GPC1: variants seen among roughly 807,000 people sequenced by gnomAD.
GPC1 encodes glypican-1.
GPC1 carries 26 observed loss-of-function variants against 51.5 expected under a neutral mutation model. The ratio of observed to expected loss-of-function variants is 0.50; its 90% CI spans 0.37 to 0.70. The LOEUF (loss-of-function observed/expected upper bound fraction) is 0.70, where lower values mean the gene tolerates loss of function less well. GPC1 is among the 30% of genes least tolerant of loss of function. GPC1 has a pLI of 0.00. For missense variants in GPC1, 775 were observed against 800.5 expected (o/e 0.97, Z 0.38); for synonymous variants, 380 against 348.3 (o/e 1.09, Z -1.01).
chr2:240,449,729 C>G (rs1368092119), intron 1 of GPC1: 4 of 427,320 alleles, frequency 9.4e-6, no homozygotes, highest in African/African-American at 8.1e-5. Flanking sequence ...CTCCACCGCC[C>G]CTGGTGCCCG....
At chr2:240,465,922 G>A (rs1258310185) in intron 8 of GPC1, 136 bp from the exon 9 acceptor site, 13 of 638,128 alleles carry the variant, frequency 2.0e-5, no homozygotes, top group South Asian at 3.8e-5. Flanking sequence ...AGGGGTCAGC[G>A]GGGATCAGGT....
At chr2:240,436,187 C>A in intron 1 of GPC1, 103 bp downstream of exon 1, 1 of 784,830 alleles carries the variant, frequency 1.3e-6, no homozygotes, top group Non-Finnish European at 1.7e-6. Context: ...GGGATCCTGC[C>A]GCCTGCGCCC....
In GPC1 at chr2:240,459,102, G is replaced by A. The variant is rs1323695103; in HGVS notation, c.239G>A (p.Arg80His). 8 of 1,612,644 alleles carry A rather than the reference G, an allele frequency of 5.0e-6. No homozygotes were observed. Among genetic ancestry groups the A allele is most frequent in the East Asian group, 2.2e-5 (1 of 44,884 alleles). ...TSEMEENLANRSHAELETALR... is the reference protein window; with the variant it reads ...TSEMEENLANHSHAELETALR... ...GAGATGGAGGAGAACCTGGCCAACCGCAGCCATGCCGAGCTGGAGACCGCG... is the reference window on the plus strand; with the variant it reads ...GAGATGGAGGAGAACCTGGCCAACCACAGCCATGCCGAGCTGGAGACCGCG... Residue 80 changes from arginine to histidine, a missense_variant, in exon 2 of 9, where the codon CGC becomes CAC. By Grantham distance (29) the Arg-to-His change is conservative. Coordinates refer to ENST00000264039, the MANE Select transcript of GPC1 (RefSeq NM_002081.3).
At chr2:240,465,910 T>C in intron 8 of GPC1, 148 bp from the exon 9 acceptor site, 1 of 626,968 alleles carries the variant, frequency 1.6e-6, no homozygotes, top group South Asian at 1.9e-5. Context: ...TCTCCCAGCC[T>C]CAGGGGTCAG....
Position 240,466,377 on chromosome 2 carries a change from G to A in GPC1, c.*87G>A, listed in dbSNP as rs991266344. 2.7e-5 allele frequency: 21 copies of A among 787,132 alleles called. No individual in the cohort carries two copies. The highest frequency in any genetic ancestry group is 4.2e-5 in the Non-Finnish European group (20 of 475,290). The allele number at this position is 787,132 out of a possible 1,614,324, so 48.8% of individuals were successfully genotyped here. A position where few individuals can be genotyped will look rare whatever the true frequency, so the allele number is the denominator to read the frequency against. On this transcript the variant is annotated 3_prime_UTR_variant, in exon 9 of 9. Transcript: ENST00000264039. ...GATATTTAATTCACCTCAGCCTGGA[G>A]AGGCCTGGGGTGGGACAGGGAGGGC...
At chr2:240,443,603 G>A (rs1285481140) in intron 1 of GPC1, among the ~76,000 whole-genome samples, 2 of 152,308 alleles carry the variant, frequency 1.3e-5, no homozygotes, top group Admixed American at 6.5e-5. Flanking sequence ...CAGGCGACTC[G>A]GAAGCAGAAA....
At chr2:240,459,348 C>T (rs906546052) in intron 2 of GPC1, among the ~76,000 whole-genome samples, 160 bp downstream of exon 2, 14 of 152,156 alleles carry the variant, frequency 9.2e-5, no homozygotes, top group African/African-American at 2.9e-4. Flanking sequence ...GTTGAAGCCC[C>T]AGCTGGGATT....
In GPC1 at chr2:240,445,438, C is replaced by T. The variant is rs188329943; in HGVS notation, c.166+9354C>T. On this transcript the variant is annotated intron_variant, in intron 1 of 8. Transcript: ENST00000264039. ...CAAGATGGAGGTGCCCTTCCACAAA[C>T]GCCAGTAGCACCCCCAAGAGAAATA... Among the ~76,000 whole-genome samples, 348 of 152,266 alleles carry T rather than the reference C, an allele frequency of 2.3e-3. 1 individual carries two copies. Among genetic ancestry groups the T allele is most frequent in the African/African-American group, 7.8e-3 (326 of 41,536 alleles).
At chr2:240,462,888 T>G in intron 3 of GPC1, among the ~76,000 whole-genome samples, 1 of 149,024 alleles carries the variant, frequency 6.7e-6, no homozygotes, top group African/African-American at 2.5e-5. Context: ...GGCTGTGGAG[T>G]GAAAGTGCAG....
At chr2:240,459,223 G>A in intron 2 of GPC1, 35 bp downstream of exon 2, 1 of 1,593,122 alleles carries the variant, frequency 6.3e-7, no homozygotes, top group Non-Finnish European at 8.6e-7. Flanking sequence ...GGGCCCGCAG[G>A]GTGCCGGTGC....
intron 1 of GPC1, chr2:240,456,623 C>T (rs1413387838): frequency 1.5e-5 from 7 of 470,716 alleles, no homozygotes; most frequent in African/African-American, 1.2e-4. Flanking sequence ...GACCTGTGCT[C>T]TCCTGGTCTG....
At chr2:240,447,188 C>T (rs906398348) in intron 1 of GPC1, among the ~76,000 whole-genome samples, 2 of 152,072 alleles carry the variant, frequency 1.3e-5, no homozygotes, top group East Asian at 1.9e-4. Flanking sequence ...CCAGGAGGGG[C>T]GTGACCAGAG....
chr2:240,446,048 C>A (rs1299864726), intron 1 of GPC1, among the ~76,000 whole-genome samples: 2 of 152,250 alleles, frequency 1.3e-5, no homozygotes, highest in Non-Finnish European at 2.9e-5. Flanking sequence ...TGCGGCTTCA[C>A]CAATGGGCAA....
At chr2:240,439,667 C>T (rs886124239) in intron 1 of GPC1, among the ~76,000 whole-genome samples, 7 of 152,314 alleles carry the variant, frequency 4.6e-5, no homozygotes, top group Middle Eastern at 3.4e-3. Context: ...AGGGTGTTTC[C>T]GGCTGGGCCC....
intron 5 of GPC1, 33 bp downstream of exon 5, chr2:240,464,779 G>C (rs756388679): frequency 9.5e-6 from 15 of 1,585,666 alleles, no homozygotes; most frequent in Non-Finnish European, 1.3e-5. Context: ...AGCACAGCGG[G>C]GTGGGGGTCC....
At chr2:240,452,468 C>G (rs1484006439) in intron 1 of GPC1, 1 of 152,624 alleles carries the variant, frequency 6.6e-6, no homozygotes, top group Admixed American at 6.5e-5. Flanking sequence ...CCCGACACCC[C>G]GCCCCCATTA....
chr2:240,435,863 C>G lies in GPC1; in HGVS notation c.-56C>G, dbSNP rs2073979827. The G allele has an allele frequency of 8.8e-7, 1 of 1,131,858 alleles. No homozygotes were observed. The highest frequency in any genetic ancestry group is 1.6e-5 in the African/African-American group (1 of 61,692). The allele number at this position is 1,131,858 out of a possible 1,614,324, so 70.1% of individuals were successfully genotyped here. ...TCGCGGGCGGGAACTGCGCAGGACC[C>G]GGCCAGGATCCGAGAGAGGCGCGGG... On this transcript the variant is annotated 5_prime_UTR_variant, in exon 1 of 9. Transcript: ENST00000264039.
intron 1 of GPC1, chr2:240,454,872 CA>C: frequency 5.2e-6 from 1 of 191,050 alleles, no homozygotes. Context: ...TGGGTCTGGA[CA>C]AATGAGGTCT....
chr2:240,451,799 C>T (rs1439152441), intron 1 of GPC1: 3 of 154,120 alleles, frequency 1.9e-5, no homozygotes, highest in Non-Finnish European at 2.9e-5. Flanking sequence ...TGACTAGGCT[C>T]CCATCTGATG....
Sources: gnomAD v4.1 joint callset for allele counts (sites outside exome capture counted in the v4.1 genomes callset) on GRCh38, gnomAD v4.1.1 for gene constraint, MANE v1.5 for transcripts, NCBI Gene and HGNC (gene_info 2026-07-23, HGNC 2026-07-21) for gene names.